CBFA2T2: variants seen among roughly 807,000 people sequenced by gnomAD.
CBFA2T2 encodes protein CBFA2T2.
CBFA2T2 carries 11 observed loss-of-function variants against 62.2 expected under a neutral mutation model. The observed-to-expected ratio is 0.18, with a 90% CI of 0.11 to 0.29. CBFA2T2 has a LOEUF of 0.29. Among genes scored for constraint, CBFA2T2 ranks in the 10% least tolerant of loss-of-function variants. The pLI is 1.00. For synonymous variants in CBFA2T2, 295 were observed against 287.5 expected (o/e 1.03, Z -0.27); for missense variants, 592 against 774.1 (o/e 0.76, Z 2.79).
chr20:33,537,589 G>A (rs892071850), intron 1 of CBFA2T2, among the ~76,000 whole-genome samples: 4 of 152,174 alleles, frequency 2.6e-5, no homozygotes, highest in Admixed American at 6.5e-5. Context: ...CCTAACCCGA[G>A]TTCACAAAGA....
intron 1 of CBFA2T2, among the ~76,000 whole-genome samples, chr20:33,590,359 G>A (rs1055786387): frequency 1.3e-5 from 2 of 151,736 alleles, no homozygotes; most frequent in South Asian, 4.1e-4. Flanking sequence ...GTACCTGTTG[G>A]CCCAAACAGA....
intron 2 of CBFA2T2, among the ~76,000 whole-genome samples, chr20:33,609,220 G>A (rs982035886): frequency 1.3e-5 from 2 of 152,142 alleles, no homozygotes; most frequent in African/African-American, 4.8e-5. Context: ...ACAAGCATAG[G>A]CCAGGCGCAG....
chr20:33,517,969 G>C (rs1394610509), intron 1 of CBFA2T2, among the ~76,000 whole-genome samples: 1 of 151,412 alleles, frequency 6.6e-6, no homozygotes, highest in African/African-American at 2.4e-5. Context: ...TTTTTTTTGA[G>C]ACAGAGTCTC....
At chr20:33,598,211 AG>A (rs766929571) in intron 1 of CBFA2T2, among the ~76,000 whole-genome samples, 2 of 152,204 alleles carry the variant, frequency 1.3e-5, no homozygotes, top group Non-Finnish European at 2.9e-5. Flanking sequence ...ATCAGAAGAC[AG>A]GGTTTTGAGA....
chr20:33,612,121 G>T (rs2015553431), intron 3 of CBFA2T2, among the ~76,000 whole-genome samples: 1 of 152,176 alleles, frequency 6.6e-6, no homozygotes, highest in South Asian at 2.1e-4. Context: ...GCATTGTTCA[G>T]CTCCTCGTGC....
chr20:33,628,340 T>C lies in CBFA2T2; in HGVS notation c.947-10T>C. Reference sequence around the variant, plus strand: ...TGCTATCTTTGAATTTAATCTGTAATTTCTAATAGGTCTAAATGGAGGCTA... The same window carrying C: ...TGCTATCTTTGAATTTAATCTGTAACTTCTAATAGGTCTAAATGGAGGCTA... On this transcript the variant is annotated splice_polypyrimidine_tract_variant and intron_variant, in intron 6 of 10. Coordinates refer to ENST00000342704, the MANE Select transcript of CBFA2T2 (RefSeq NM_001032999.3). The C allele has an allele frequency of 1.3e-6, 2 of 1,596,662 alleles. No homozygotes were observed. The highest frequency in any genetic ancestry group is 1.7e-6 in the Non-Finnish European group (2 of 1,164,312).
chr20:33,498,897 G>C (rs1229624787), intron 1 of CBFA2T2, among the ~76,000 whole-genome samples: 1 of 151,974 alleles, frequency 6.6e-6, no homozygotes, highest in Non-Finnish European at 1.5e-5. Context: ...ACAAAAATTA[G>C]CCAGGTATGG....
chr20:33,600,919 A>T (rs1216010298), intron 1 of CBFA2T2, among the ~76,000 whole-genome samples: 1 of 152,190 alleles, frequency 6.6e-6, no homozygotes, highest in Non-Finnish European at 1.5e-5. Flanking sequence ...GGGATTGTTT[A>T]AATGAACTAT....
chr20:33,511,674 C>T (rs909599370), intron 1 of CBFA2T2, among the ~76,000 whole-genome samples: 14 of 152,150 alleles, frequency 9.2e-5, no homozygotes, highest in African/African-American at 3.4e-4. Context: ...AAATGTACAG[C>T]TCAGTGAATT....
intron 1 of CBFA2T2, among the ~76,000 whole-genome samples, chr20:33,570,623 CT>C (rs1448679184): frequency 6.6e-6 from 1 of 152,108 alleles, no homozygotes; most frequent in Non-Finnish European, 1.5e-5. Context: ...ATATTGTCGT[CT>C]TGAGGTGAGT....
At chr20:33,541,927 G>T (rs1600948102) in intron 1 of CBFA2T2, among the ~76,000 whole-genome samples, 1 of 152,100 alleles carries the variant, frequency 6.6e-6, no homozygotes, top group African/African-American at 2.4e-5. Flanking sequence ...CACCCAGGCT[G>T]GAGTGCAGTG....
At chr20:33,607,561 C>G (rs1168841805) in intron 2 of CBFA2T2, among the ~76,000 whole-genome samples, 1 of 152,082 alleles carries the variant, frequency 6.6e-6, no homozygotes, top group Non-Finnish European at 1.5e-5. Flanking sequence ...TTTTTATTCA[C>G]TTTTTCACAG....
intron 3 of CBFA2T2, among the ~76,000 whole-genome samples, chr20:33,614,543 A>C (rs1380011269): frequency 6.6e-6 from 1 of 152,196 alleles, no homozygotes; most frequent in Non-Finnish European, 1.5e-5. Flanking sequence ...AACTGCACCA[A>C]TTAAACAATA....
intron 1 of CBFA2T2, among the ~76,000 whole-genome samples, chr20:33,505,884 A>G (rs2011394687): frequency 6.6e-6 from 1 of 152,030 alleles, no homozygotes; most frequent in Non-Finnish European, 1.5e-5. Context: ...TGATATCAGG[A>G]GTTCAAGACC....
chr20:33,642,182 A>G (rs2016884333), intron 10 of CBFA2T2, among the ~76,000 whole-genome samples: 1 of 146,684 alleles, frequency 6.8e-6, no homozygotes, highest in Non-Finnish European at 1.5e-5. Flanking sequence ...GGGTCTCACT[A>G]TATTGCCCAG....
At chr20:33,530,815 T>C (rs919059589) in intron 1 of CBFA2T2, among the ~76,000 whole-genome samples, 1 of 151,518 alleles carries the variant, frequency 6.6e-6, no homozygotes, top group Non-Finnish European at 1.5e-5. Flanking sequence ...GCGCGGTGGC[T>C]CACACCTGTA....
intron 1 of CBFA2T2, among the ~76,000 whole-genome samples, chr20:33,579,712 T>G (rs2014018387): frequency 6.6e-6 from 1 of 152,112 alleles, no homozygotes; most frequent in Non-Finnish European, 1.5e-5. Flanking sequence ...TGGTGGTTCG[T>G]CCTCCAACCC....
At chr20:33,589,221 AG>A (rs2146923670) in intron 1 of CBFA2T2, among the ~76,000 whole-genome samples, 1 of 152,330 alleles carries the variant, frequency 6.6e-6, no homozygotes, top group East Asian at 1.9e-4. Flanking sequence ...ATGGAGCTTC[AG>A]GGTTGAAAAT....
intron 1 of CBFA2T2, among the ~76,000 whole-genome samples, chr20:33,525,711 G>A (rs1029886280): frequency 1.3e-5 from 2 of 152,048 alleles, no homozygotes; most frequent in African/African-American, 4.8e-5. Context: ...GAGTGCAGTG[G>A]TACAGTCACA....
Sources: allele counts gnomAD v4.1 joint callset (sites outside exome capture counted in the v4.1 genomes callset), GRCh38; gene constraint gnomAD v4.1.1; transcripts MANE v1.5; gene names NCBI Gene and HGNC (gene_info 2026-07-23, HGNC 2026-07-21).